Variants in ANKRD6 observed in about 807,000 individuals in gnomAD.
The protein encoded by ANKRD6 is ankyrin repeat domain 6.
In ANKRD6, 56 loss-of-function variants were observed where a neutral mutation model predicts 82.3. The observed-to-expected ratio is 0.68, with a 90% CI of 0.55 to 0.85. The LOEUF is 0.85. ANKRD6 is among the 40% of genes least tolerant of loss of function. The pLI is 0.00. For missense variants in ANKRD6, 852 were observed against 907.6 expected, an observed-to-expected ratio of 0.94 and a Z score of 0.79; for synonymous variants, 347 against 352.1, an observed-to-expected ratio of 0.99 and a Z score of 0.16.
At chr6:89,544,545 G>A (rs561130663) in intron 1 of ANKRD6, among the ~76,000 whole-genome samples, 3 of 151,066 alleles carry the variant, frequency 2.0e-5, no homozygotes, top group Non-Finnish European at 4.4e-5. Flanking sequence ...AAACCCCATC[G>A]CTACTAATAA....
intron 1 of ANKRD6, among the ~76,000 whole-genome samples, chr6:89,438,368 A>G (rs1434003189): frequency 1.3e-5 from 2 of 152,192 alleles, no homozygotes; most frequent in African/African-American, 2.4e-5. Context: ...CAAGGGGGAA[A>G]GAGTATGGCA....
chr6:89,558,826 C>T (rs1337765999), intron 1 of ANKRD6, among the ~76,000 whole-genome samples: 11 of 145,502 alleles, frequency 7.6e-5, no homozygotes, highest in Non-Finnish European at 1.1e-4. Context: ...TGGGGGTGGG[C>T]AAAGGGCTAT....
rs151180016 is a variant in ANKRD6 at position 89,557,636 on chromosome 6, C to T, written c.-143-9198C>T. Among the ~76,000 whole-genome samples, 5 of 152,290 alleles carry T rather than the reference C, an allele frequency of 3.3e-5. No individual in the cohort carries two copies. In the East Asian group the frequency reaches 9.6e-4, roughly 29 times the overall value. On this transcript the variant is annotated intron_variant, in intron 1 of 15. Transcript: ENST00000339746. ...GAACAGGGGTCCCTAACCCCCAGACCGTGGACCAGTACTTGTCCGTGGCCT... is the reference window on the plus strand; with the variant it reads ...GAACAGGGGTCCCTAACCCCCAGACTGTGGACCAGTACTTGTCCGTGGCCT...
chr6:89,590,586 G>C (rs1445743081), intron 2 of ANKRD6, among the ~76,000 whole-genome samples: 1 of 152,180 alleles, frequency 6.6e-6, no homozygotes, highest in Admixed American at 6.5e-5. Flanking sequence ...GAGGTTAGTG[G>C]CTGGGCTAAG....
intron 5 of ANKRD6, 78 bp from the exon 6 acceptor site, chr6:89,612,194 C>T: frequency 2.3e-6 from 3 of 1,317,150 alleles, no homozygotes; most frequent in Non-Finnish European, 2.1e-6. Context: ...CGAGTAAGTA[C>T]TGCCCCTCTG....
intron 1 of ANKRD6, among the ~76,000 whole-genome samples, chr6:89,504,280 G>T (rs561708542): frequency 3.3e-5 from 5 of 152,234 alleles, no homozygotes; most frequent in African/African-American, 1.2e-4. Flanking sequence ...ATAACCAGCT[G>T]ATGGGATGCT....
intron 1 of ANKRD6, among the ~76,000 whole-genome samples, chr6:89,453,731 C>G (rs1258948087): frequency 6.6e-6 from 1 of 150,438 alleles, no homozygotes; most frequent in Admixed American, 6.7e-5. Flanking sequence ...AGGTGCACGC[C>G]ACCCAGCTAA....
In ANKRD6 at chr6:89,545,212, C is replaced by CAAAAA. The variant is rs754348482; in HGVS notation, c.-143-21608_-143-21604dup. 1.0e-4 allele frequency among the ~76,000 whole-genome samples: 9 copies of CAAAAA among 86,316 alleles called. 1 individual carries two copies. Among genetic ancestry groups the CAAAAA allele is most frequent in the East Asian group, 6.4e-4 (2 of 3,116 alleles). The allele number at this position is 86,316 out of a possible 152,430, so 56.6% of individuals were successfully genotyped here. ...TGGGCGACAGAGCCAGACTCCATCTCAAAAAAAAAAAAAAAAAAGAAAAGA... is the reference window on the plus strand; with the variant it reads ...TGGGCGACAGAGCCAGACTCCATCTCAAAAAAAAAAAAAAAAAAAAAAAGAAAAGA... On this transcript the variant is annotated intron_variant, in intron 1 of 15. Coordinates refer to ENST00000339746, the MANE Select transcript of ANKRD6 (RefSeq NM_001242809.2).
chr6:89,606,877 GGGCCTTTTTT>G (rs916840061), intron 5 of ANKRD6, among the ~76,000 whole-genome samples: 1 of 151,432 alleles, frequency 6.6e-6, no homozygotes, highest in Non-Finnish European at 1.5e-5. Context: ...GGGCGGGGGT[GGGCCTTTTTT>G]GGCCAGGTGC....
intron 3 of ANKRD6, chr6:89,598,011 G>T: frequency 1.4e-6 from 1 of 734,092 alleles, no homozygotes; most frequent in Non-Finnish European, 1.7e-6. Context: ...AAAAATCTCA[G>T]AAGTTACCTG....
intron 1 of ANKRD6, among the ~76,000 whole-genome samples, chr6:89,544,924 A>C (rs9444696): frequency 0.35 from 53,233 of 151,444 alleles, 9,714 homozygotes; most frequent in African/African-American, 0.42. Context: ...TAAGAAAGGG[A>C]TGTTTCGGGC....
At chr6:89,502,516 T>TAAA (rs34938919) in intron 1 of ANKRD6, among the ~76,000 whole-genome samples, 2 of 148,188 alleles carry the variant, frequency 1.3e-5, no homozygotes, top group African/African-American at 4.9e-5. Flanking sequence ...CGTTATTATT[T>TAAA]AAAAAAAAAA....
chr6:89,507,521 G>T (rs925573989), intron 1 of ANKRD6, among the ~76,000 whole-genome samples: 1 of 152,164 alleles, frequency 6.6e-6, no homozygotes, highest in Admixed American at 6.5e-5. Context: ...AAAGCAGCAG[G>T]GAATTAAGCT....
chr6:89,537,099 G>A (rs1256825118), intron 1 of ANKRD6, among the ~76,000 whole-genome samples: 1 of 152,108 alleles, frequency 6.6e-6, no homozygotes, highest in Non-Finnish European at 1.5e-5. Context: ...AAATAGTGTA[G>A]AAAGGATGAC....
chr6:89,511,508 A>C (rs1286681998), intron 1 of ANKRD6, among the ~76,000 whole-genome samples: 1 of 152,234 alleles, frequency 6.6e-6, no homozygotes, highest in Non-Finnish European at 1.5e-5. Flanking sequence ...GGCACTCTGA[A>C]GCTTGAGGGC....
chr6:89,557,525 G>A (rs1786773552), intron 1 of ANKRD6, among the ~76,000 whole-genome samples: 1 of 152,164 alleles, frequency 6.6e-6, no homozygotes, highest in South Asian at 2.1e-4. Flanking sequence ...TCATGTAAAG[G>A]AAGAGTCAAA....
intron 1 of ANKRD6, among the ~76,000 whole-genome samples, chr6:89,538,031 A>C (rs940377853): frequency 1.3e-5 from 2 of 152,200 alleles, no homozygotes; most frequent in Non-Finnish European, 2.9e-5. Context: ...TTGTATCTCT[A>C]AATGCACTCT....
chr6:89,628,941 A>G, intron 14 of ANKRD6, 171 bp from the exon 15 acceptor site: 1 of 681,530 alleles, frequency 1.5e-6, no homozygotes. Context: ...TGGAGGGGTC[A>G]AATATCCAAA....
At chr6:89,489,398 T>A (rs1260830189) in intron 1 of ANKRD6, among the ~76,000 whole-genome samples, 1 of 152,152 alleles carries the variant, frequency 6.6e-6, no homozygotes, top group Non-Finnish European at 1.5e-5. Flanking sequence ...CACAGATTGA[T>A]ATATCTGTAG....
Sources: gnomAD v4.1 joint callset for allele counts (sites outside exome capture counted in the v4.1 genomes callset) on GRCh38, gnomAD v4.1.1 for gene constraint, MANE v1.5 for transcripts, NCBI Gene and HGNC (gene_info 2026-07-23, HGNC 2026-07-21) for gene names.